ASIC2: variants seen among roughly 807,000 people sequenced by gnomAD.
ASIC2 encodes the protein acid-sensing ion channel 2.
ASIC2 carries 25 observed loss-of-function variants against 57.3 expected under a neutral mutation model. The observed-to-expected ratio is 0.44, with a 90% CI of 0.32 to 0.61. The LOEUF (loss-of-function observed/expected upper bound fraction) is 0.61. Ranked by LOEUF, ASIC2 falls within the 20% of genes least tolerant of loss-of-function variation. ASIC2 has a pLI of 0.06. For missense variants in ASIC2, 641 were observed against 738.1 expected (o/e 0.87, Z 1.52); for synonymous variants, 319 against 307.5 (o/e 1.04, Z -0.39).
At chr17:33,040,829 G>A (rs1025305408) in intron 3 of ASIC2, among the ~76,000 whole-genome samples, 1 of 152,164 alleles carries the variant, frequency 6.6e-6, no homozygotes, top group African/African-American at 2.4e-5. Flanking sequence ...CCTGATGGAC[G>A]TGTCCTTTGA....
intron 1 of ASIC2, among the ~76,000 whole-genome samples, chr17:33,874,166 G>A (rs1914493244): frequency 6.6e-6 from 1 of 152,214 alleles, no homozygotes. Context: ...CTGGTGAAAA[G>A]AGAGAATGTT....
At chr17:33,267,271 G>A (rs937226752) in intron 1 of ASIC2, among the ~76,000 whole-genome samples, 25 of 152,146 alleles carry the variant, frequency 1.6e-4, no homozygotes, top group Non-Finnish European at 3.7e-4. Context: ...TTTCCATTGG[G>A]AATAGTAAGA....
At chr17:33,770,801 T>A (rs1025626105) in intron 1 of ASIC2, among the ~76,000 whole-genome samples, 3 of 152,178 alleles carry the variant, frequency 2.0e-5, no homozygotes, top group Non-Finnish European at 4.4e-5. Flanking sequence ...GTTTTTCAAT[T>A]TCCCCCCTGG....
At chr17:33,483,087 G>C (rs1388287437) in intron 1 of ASIC2, among the ~76,000 whole-genome samples, 2 of 152,144 alleles carry the variant, frequency 1.3e-5, no homozygotes, top group African/African-American at 2.4e-5. Context: ...AGACCTTTCA[G>C]AGAAGAAAAG....
chr17:33,129,885 T>G (rs1034186132), intron 1 of ASIC2, among the ~76,000 whole-genome samples: 2 of 152,196 alleles, frequency 1.3e-5, no homozygotes, highest in African/African-American at 4.8e-5. Context: ...CTATGTAAAC[T>G]GCATGCTGTT....
intron 1 of ASIC2, among the ~76,000 whole-genome samples, chr17:33,562,622 CTT>C (rs1916108289): frequency 6.6e-6 from 1 of 152,144 alleles, no homozygotes; most frequent in South Asian, 2.1e-4. Flanking sequence ...GGAAGTCACT[CTT>C]GGCACCTATC....
intron 1 of ASIC2, among the ~76,000 whole-genome samples, chr17:33,270,405 C>T (rs1904437249): frequency 6.6e-6 from 1 of 152,218 alleles, no homozygotes; most frequent in African/African-American, 2.4e-5. Flanking sequence ...CTTCTATCCT[C>T]TCCCTGCCTT....
chr17:33,904,678 T>C (rs1289825823), intron 1 of ASIC2, among the ~76,000 whole-genome samples: 2 of 152,212 alleles, frequency 1.3e-5, no homozygotes, highest in Non-Finnish European at 2.9e-5. Flanking sequence ...CCTGGTTCAC[T>C]ATGATAAGTT....
chr17:33,894,406 T>C (rs1195253761), intron 1 of ASIC2, among the ~76,000 whole-genome samples: 1 of 151,374 alleles, frequency 6.6e-6, no homozygotes, highest in East Asian at 2.0e-4. Flanking sequence ...CTGGGCCTCA[T>C]GATGTTCCAG....
intron 8 of ASIC2, among the ~76,000 whole-genome samples, chr17:33,016,566 A>C (rs567365975): frequency 2.6e-5 from 4 of 152,188 alleles, no homozygotes; most frequent in Admixed American, 2.6e-4. Context: ...TTTCCACAAA[A>C]GTCAATAAAC....
At chr17:33,214,582 G>A (rs396996) in intron 1 of ASIC2, among the ~76,000 whole-genome samples, 92,634 of 152,052 alleles carry the variant, frequency 0.61, 29,500 homozygotes, top group Non-Finnish European at 0.72. Context: ...CTAAATCAGA[G>A]TGCCTCAAAC....
chr17:33,123,501 C>T (rs568458449), intron 1 of ASIC2, among the ~76,000 whole-genome samples: 32 of 152,110 alleles, frequency 2.1e-4, no homozygotes, highest in Admixed American at 7.2e-4. Context: ...TTTTTTTAAA[C>T]AGTTGCTTGC....
At chr17:34,122,163 CT>C (rs1911641282) in intron 1 of ASIC2, among the ~76,000 whole-genome samples, 1 of 152,228 alleles carries the variant, frequency 6.6e-6, no homozygotes, top group African/African-American at 2.4e-5. Flanking sequence ...AGCCAATGTG[CT>C]AAGGACTTGC....
intron 1 of ASIC2, among the ~76,000 whole-genome samples, chr17:33,558,819 G>T (rs748191858): frequency 4.6e-5 from 7 of 152,080 alleles, no homozygotes; most frequent in Middle Eastern, 3.4e-3. Flanking sequence ...TTTTTAGACG[G>T]AGTCTGGCTC....
At chr17:33,621,176 G>T (rs1209367255) in intron 1 of ASIC2, among the ~76,000 whole-genome samples, 1 of 152,068 alleles carries the variant, frequency 6.6e-6, no homozygotes, top group Non-Finnish European at 1.5e-5. Flanking sequence ...CTTGGTCTTA[G>T]CCTGTGCATG....
At chr17:33,435,588 C>T (rs1911583187) in intron 1 of ASIC2, among the ~76,000 whole-genome samples, 1 of 152,158 alleles carries the variant, frequency 6.6e-6, no homozygotes, top group Admixed American at 6.5e-5. Flanking sequence ...CAGTCATTAT[C>T]TTGAAATCTG....
intron 1 of ASIC2, among the ~76,000 whole-genome samples, chr17:33,545,466 G>C (rs776503747): frequency 3.9e-4 from 60 of 152,044 alleles, no homozygotes; most frequent in Admixed American, 2.0e-3. Context: ...TATTTTACCC[G>C]AGACGCGGAT....
intron 1 of ASIC2, among the ~76,000 whole-genome samples, chr17:33,771,119 A>C (rs980444672): frequency 6.6e-6 from 1 of 152,180 alleles, no homozygotes; most frequent in African/African-American, 2.4e-5. Context: ...ACTACATAGT[A>C]ACTTACTATG....
intron 1 of ASIC2, among the ~76,000 whole-genome samples, chr17:33,946,612 T>C (rs1007028797): frequency 2.0e-5 from 3 of 152,160 alleles, no homozygotes; most frequent in Admixed American, 2.0e-4. Context: ...CTTCTAGGAC[T>C]CATAGGCTAG....
Sources: gnomAD v4.1 joint callset for allele counts (sites outside exome capture counted in the v4.1 genomes callset) on GRCh38, gnomAD v4.1.1 for gene constraint, MANE v1.5 for transcripts, NCBI Gene and HGNC (gene_info 2026-07-23, HGNC 2026-07-21) for gene names.